KCNT1: variants seen among roughly 807,000 people sequenced by gnomAD.
KCNT1 encodes the protein potassium channel subfamily T member 1.
KCNT1 carries 78 observed loss-of-function variants against 147.8 expected under a neutral mutation model. The observed-to-expected ratio is 0.53, with a 90% CI of 0.44 to 0.64. The LOEUF (loss-of-function observed/expected upper bound fraction) is 0.64. Among genes scored for constraint, KCNT1 ranks in the 30% least tolerant of loss-of-function variants. The pLI, the probability that KCNT1 is intolerant of heterozygous loss-of-function variation, is 0.00. For synonymous variants in KCNT1, 867 were observed against 748.8 expected, an observed-to-expected ratio of 1.16 and a Z score of -2.58; for missense variants, 1,419 against 1,750.3, an observed-to-expected ratio of 0.81 and a Z score of 3.38.
At chr9:135,790,245 C>G (rs1467440111) in intron 29 of KCNT1, 1 of 152,260 alleles carries the variant, frequency 6.6e-6, no homozygotes, top group Non-Finnish European at 1.5e-5. Flanking sequence ...TCACCACCCA[C>G]TCCCTGTGCC....
chr9:135,749,000 C>T (rs992519843), intron 2 of KCNT1, among the ~76,000 whole-genome samples: 3 of 152,214 alleles, frequency 2.0e-5, no homozygotes, highest in South Asian at 2.1e-4. Flanking sequence ...CCCCAGGGCA[C>T]GGGCCGTTTA....
chr9:135,705,740 G>A (rs1835224713), intron 1 of KCNT1, among the ~76,000 whole-genome samples: 1 of 152,268 alleles, frequency 6.6e-6, no homozygotes, highest in African/African-American at 2.4e-5. Flanking sequence ...ACTGAGGCCA[G>A]GATGCGATTG....
chr9:135,786,170 C>CCCCCA, intron 28 of KCNT1, 27 bp from the exon 29 acceptor site: 2 of 1,548,126 alleles, frequency 1.3e-6, no homozygotes, highest in Non-Finnish European at 1.8e-6. Flanking sequence ...CACCCCTCCC[C>CCCCCA]GCCCTGCCCT....
chr9:135,735,093 G>C (rs1830280676), intron 2 of KCNT1, among the ~76,000 whole-genome samples: 1 of 152,200 alleles, frequency 6.6e-6, no homozygotes, highest in African/African-American at 2.4e-5. Context: ...AACACCAGGG[G>C]CTGGCAGAGG....
chr9:135,778,626 G>A (rs1191565317), intron 22 of KCNT1, 62 bp from the exon 23 acceptor site: 58 of 1,607,580 alleles, frequency 3.6e-5, no homozygotes, highest in East Asian at 3.6e-4. Flanking sequence ...ACCAAATCCC[G>A]GGGTCCTGTG....
At chr9:135,788,220 C>A in intron 29 of KCNT1, 2 of 1,406,306 alleles carry the variant, frequency 1.4e-6, no homozygotes, top group Non-Finnish European at 2.0e-6. Context: ...AACCCTTCAC[C>A]GCCGGCAGCC....
Position 135,772,846 on chromosome 9 carries a change from C to A in KCNT1, c.2140C>A (p.Leu714Met). 1 of 1,544,806 alleles carries A rather than the reference C, an allele frequency of 6.5e-7. No individual in the cohort carries two copies. ...GSRRPSIAPV[L>M]ELADSSALLP... is the part of the protein sequence containing the mutation. ...CCGGCGGCCCAGCATCGCGCCCGTC[C>A]TGGAACTGGCCGACAGCTCAGCCCT... The change falls in exon 19 of 31, where the codon CTG (leucine) becomes ATG (methionine). Residue 714 changes from leucine to methionine, a missense_variant. By Grantham distance (15) the Leu-to-Met change is conservative. Transcript: ENST00000371757.
At chr9:135,784,935 G>T in intron 27 of KCNT1, 46 bp downstream of exon 27, 2 of 1,593,520 alleles carry the variant, frequency 1.3e-6, no homozygotes, top group East Asian at 2.2e-5. Flanking sequence ...CCCCTGTCCT[G>T]TGTGACCCAC....
At chr9:135,735,066 A>C (rs1318670470) in intron 2 of KCNT1, among the ~76,000 whole-genome samples, 1 of 152,156 alleles carries the variant, frequency 6.6e-6, no homozygotes, top group Non-Finnish European at 1.5e-5. Flanking sequence ...GGGGGCTTCC[A>C]TCTGCTGGTG....
chr9:135,770,863 C>T lies in KCNT1; in HGVS notation c.1776C>T (p.Gly592=), dbSNP rs769406687. 41 of 1,568,368 alleles carry T rather than the reference C, an allele frequency of 2.6e-5. No individual in the cohort carries two copies. The highest frequency in any genetic ancestry group is 3.3e-4 in the Middle Eastern group (2 of 6,022). Residue 592 remains glycine (G), a synonymous_variant, in exon 18 of 31, where the codon GGC becomes GGT. Coordinates refer to ENST00000371757, the MANE Select transcript of KCNT1 (RefSeq NM_020822.3). ...YAAFHAHKKY[G]VCLIGLKRED... ...TGCCGGTGCCTCTGCCCAGGTATGG[C>T]GTGTGCCTCATCGGGCTGAAGCGGG...
chr9:135,707,056 G>T (rs888216838), intron 1 of KCNT1, among the ~76,000 whole-genome samples: 2 of 151,762 alleles, frequency 1.3e-5, no homozygotes, highest in East Asian at 3.9e-4. Context: ...AGGCTAAGGC[G>T]GGAGGATTGT....
At position 135,765,754 on chromosome 9, in the gene KCNT1, G is replaced by A. The variant is rs1832222641; in HGVS notation, c.1331G>A (p.Arg444Gln). ...GSALKDQDLM[R>Q]AKMDNGEACF... ...GCACTCAAAGACCAGGACCTCATGCGAGCCAAGTGAGTGCTGGTGGGCGGA... is the reference window on the plus strand; with the variant it reads ...GCACTCAAAGACCAGGACCTCATGCAAGCCAAGTGAGTGCTGGTGGGCGGA... Residue 444 changes from arginine (R) to glutamine (Q), a missense_variant, in exon 13 of 31, where the codon CGA (arginine) becomes CAA (glutamine). Coordinates refer to ENST00000371757, the MANE Select transcript of KCNT1 (RefSeq NM_020822.3). 3.1e-6 allele frequency: 5 copies of A among 1,596,496 alleles called. No homozygotes were observed. Among genetic ancestry groups the A allele is most frequent in the African/African-American group, 1.3e-5 (1 of 74,628 alleles).
At position 135,739,747 on chromosome 9, in the gene KCNT1, CCTT is replaced by C. The variant is rs112635438; in HGVS notation, c.255-10347_255-10345del. On this transcript the variant is annotated intron_variant, in intron 2 of 30. Coordinates refer to ENST00000371757, the MANE Select transcript of KCNT1 (RefSeq NM_020822.3). ...GCTTTGCCCCGCTCCGGGCTGCACA[CCTT>C]CTTTCCACACAGTGCTCTGCGCTCT... Among the ~76,000 whole-genome samples, 406 of 152,232 alleles carry C rather than the reference CCTT, an allele frequency of 2.7e-3. 1 individual carries two copies. The highest frequency in any genetic ancestry group is 4.5e-3 in the Non-Finnish European group (303 of 67,992).
chr9:135,771,147 G>GACCAGGCGGGAC (rs1564371791), intron 18 of KCNT1, 52 bp downstream of exon 18: 9 of 1,500,090 alleles, frequency 6.0e-6, no homozygotes, highest in Admixed American at 1.8e-5. Flanking sequence ...TTTGGCGGGA[G>GACCAGGCGGGAC]ACCAGGCGGG....
At chr9:135,755,190 C>G (rs372001826) in intron 6 of KCNT1, 21 bp downstream of exon 6, 1 of 1,599,664 alleles carries the variant, frequency 6.3e-7, no homozygotes, top group African/African-American at 1.3e-5. Flanking sequence ...TACCCTGCCC[C>G]CCTCCCGACT....
Position 135,770,427 on chromosome 9 carries a change from G to A in KCNT1, c.1749G>A (p.Ala583=), listed in dbSNP as rs17038714. The part of the protein sequence containing the change: ...REYEGKSFTY[A]AFHAHKKYGV... ...ACGAGGGCAAGAGCTTCACCTACGC[G>A]GCCTTCCACGCCCACAAGAAGTAAG... The change falls in exon 17 of 31, where the codon GCG becomes GCA. Residue 583 remains alanine, a synonymous_variant. Transcript: ENST00000371757. 382,510 of 1,612,168 alleles carry A rather than the reference G, an allele frequency of 0.24. 50,457 individuals carry two copies. The highest frequency in any genetic ancestry group is 0.47 in the African/African-American group (35,461 of 74,938).
intron 1 of KCNT1, among the ~76,000 whole-genome samples, chr9:135,704,337 G>A (rs1196650096): frequency 2.6e-5 from 4 of 152,214 alleles, no homozygotes; most frequent in African/African-American, 9.7e-5. Flanking sequence ...CCACTCCAGT[G>A]CCCCAGCTCA....
In KCNT1 at chr9:135,752,424, T is replaced by C. The variant is rs1325544571; in HGVS notation, c.434+1383T>C. On this transcript the variant is annotated intron_variant, in intron 4 of 30. Transcript: ENST00000371757. The surrounding 1 kb of genome is among the most constrained non-coding windows in gnomAD (Gnocchi z 5.1). The stretch of plus-strand genomic sequence containing the variant: ...ACTAGGAGAGTTTGAGAAGGAGAAC[T>C]GGGCCCTGACTGACTCTCAAGCTAC... The C allele has an allele frequency of 2.2e-6, 1 of 456,562 alleles. No homozygotes were observed. The highest frequency in any genetic ancestry group is 7.0e-5 in the East Asian group (1 of 14,372). The allele number at this position is 456,562 out of a possible 1,614,324, so 28.3% of individuals were successfully genotyped here.
At chr9:135,782,512 G>T (rs940991850) in intron 24 of KCNT1, among the ~76,000 whole-genome samples, 2 of 152,182 alleles carry the variant, frequency 1.3e-5, no homozygotes, top group Non-Finnish European at 2.9e-5. Flanking sequence ...TCTGACCGGG[G>T]GTCTCGTGCT....
Sources: gnomAD v4.1 joint callset for allele counts (sites outside exome capture counted in the v4.1 genomes callset) on GRCh38, gnomAD v4.1.1 for gene constraint, Gnocchi (gnomAD v3.1) non-coding constraint, MANE v1.5 for transcripts, NCBI Gene and HGNC (gene_info 2026-07-23, HGNC 2026-07-21) for gene names.